VPS8: variants seen among roughly 807,000 people sequenced by gnomAD.
VPS8 encodes vacuolar protein sorting-associated protein 8 homolog.
VPS8 carries 129 observed loss-of-function variants against 216.4 expected under a neutral mutation model. The ratio of observed to expected loss-of-function variants is 0.60; its 90% CI spans 0.52 to 0.69. VPS8 has a LOEUF of 0.69. Ranked by LOEUF, VPS8 falls within the 30% of genes least tolerant of loss-of-function variation. The pLI is 0.00. For synonymous variants in VPS8, 571 were observed against 565.4 expected (o/e 1.01, Z -0.14); for missense variants, 1,531 against 1,683.5 (o/e 0.91, Z 1.59).
intron 8 of VPS8, among the ~76,000 whole-genome samples, chr3:184,844,266 C>A (rs1220183342): frequency 6.6e-6 from 1 of 151,720 alleles, no homozygotes; most frequent in East Asian, 1.9e-4. Context: ...ACTAAAAATA[C>A]AAAAATTAGC....
chr3:184,930,526 G>T lies in VPS8; in HGVS notation c.2856G>T (p.Glu952Asp), dbSNP rs755481895. The part of the protein sequence containing the change: ...NILSIPGHSA[E>D]EKQSVWQKAM... ...TATCCATTCCCGGACACAGTGCAGA[G>T]GAGAAGCAGTCTGTATGGCAGAAAG... Residue 952 changes from glutamate (E) to aspartate (D), a missense_variant, in exon 34 of 48, where the codon GAG becomes GAT. By Grantham distance (45) the Glu-to-Asp change is conservative. Around this residue, in one of 3 missense-constraint regions of VPS8, gnomAD observed 1,318 missense variants for 1,468.4 expected, o/e 0.90. Transcript: ENST00000625842. The T allele has an allele frequency of 5.0e-6, 8 of 1,613,470 alleles. No individual in the cohort carries two copies. The highest frequency in any genetic ancestry group is 6.8e-6 in the Non-Finnish European group (8 of 1,179,580).
chr3:185,052,158 GC>G lies in VPS8; in HGVS notation c.*136del. ...AAGAGGTTCCAAATTGGGCTTCTGT[GC>G]CCAGAGCGTCCACAGCACCATTCCC... On this transcript the variant is annotated 3_prime_UTR_variant, in exon 48 of 48. Coordinates refer to ENST00000625842, the MANE Select transcript of VPS8 (RefSeq NM_001009921.3). 3.1e-6 allele frequency: 3 copies of G among 981,216 alleles called. No homozygotes were observed. Among genetic ancestry groups the G allele is most frequent in the Non-Finnish European group, 4.3e-6 (3 of 692,554 alleles). 60.8% of individuals were successfully genotyped at this position (981,216 alleles called of 1,614,324 possible).
intron 46 of VPS8, among the ~76,000 whole-genome samples, chr3:185,042,285 G>A (rs1166166977): frequency 2.0e-5 from 3 of 152,146 alleles, no homozygotes; most frequent in African/African-American, 4.8e-5. Context: ...AATCAGCCAC[G>A]TATTTTTGAG....
chr3:184,881,622 A>G (rs893084477), intron 21 of VPS8, among the ~76,000 whole-genome samples: 1 of 151,976 alleles, frequency 6.6e-6, no homozygotes. Flanking sequence ...AACTATTCCA[A>G]TTTCTTTGAC....
At chr3:184,920,403 C>G (rs1338490899) in intron 29 of VPS8, among the ~76,000 whole-genome samples, 3 of 152,102 alleles carry the variant, frequency 2.0e-5, no homozygotes, top group Admixed American at 6.5e-5. Flanking sequence ...TGGCTTTAGA[C>G]TGGGGACCGG....
intron 28 of VPS8, among the ~76,000 whole-genome samples, chr3:184,919,738 C>T (rs1221022748): frequency 6.6e-6 from 1 of 152,062 alleles, no homozygotes; most frequent in East Asian, 1.9e-4. Context: ...TAAAATGTGT[C>T]TTAGTTATTT....
chr3:184,979,480 C>T (rs4686929), intron 40 of VPS8, among the ~76,000 whole-genome samples: 137,288 of 152,246 alleles, frequency 0.9, 62,903 homozygotes, highest in Non-Finnish European at 0.98. Flanking sequence ...TATCTGGTGC[C>T]CCATTGTTGG....
chr3:184,940,270 TTA>T lies in VPS8; in HGVS notation c.3035+45_3035+46del, dbSNP rs5855048. The T allele has an allele frequency of 2.0e-3, 1,168 of 577,742 alleles. 1 individual carries two copies. The highest frequency in any genetic ancestry group is 3.1e-3 in the African/African-American group (161 of 52,544). The allele number at this position is 577,742 out of a possible 1,614,324, so 35.8% of individuals were successfully genotyped here. On this transcript the variant is annotated intron_variant, in intron 36 of 47. Coordinates refer to ENST00000625842, the MANE Select transcript of VPS8 (RefSeq NM_001009921.3). ...TATGTTGACAAACTTTAGTCTTTCA[TTA>T]TATATATATATATATATGAGAAATA...
rs183767203 is a variant in VPS8 at position 185,034,278 on chromosome 3, C to T, written c.4056+9889C>T. Among the ~76,000 whole-genome samples, 315 of 152,222 alleles carry T rather than the reference C, an allele frequency of 2.1e-3. 1 individual carries two copies. Among genetic ancestry groups the T allele is most frequent in the Admixed American group, 5.5e-3 (84 of 15,288 alleles). On this transcript the variant is annotated intron_variant, in intron 46 of 47. Transcript: ENST00000625842. ...ACCAGATTTTCTTTATACAGTCTACCATTGATGGACATTTGGGTTGATTAC... is the reference window on the plus strand; with the variant it reads ...ACCAGATTTTCTTTATACAGTCTACTATTGATGGACATTTGGGTTGATTAC...
chr3:184,848,407 C>T (rs868697238), intron 8 of VPS8, among the ~76,000 whole-genome samples: 14 of 151,998 alleles, frequency 9.2e-5, no homozygotes, highest in African/African-American at 3.1e-4. Context: ...GATGGTATTC[C>T]CGATAACTTT....
At chr3:185,026,965 T>C (rs1033117802) in intron 46 of VPS8, among the ~76,000 whole-genome samples, 4 of 152,022 alleles carry the variant, frequency 2.6e-5, no homozygotes, top group Non-Finnish European at 5.9e-5. Context: ...CAACTCAGCC[T>C]CCCAAAGTGC....
rs370296081 is a variant in VPS8, at chr3:185,031,198, A to G, written c.4056+6809A>G. Reference sequence around the variant, plus strand: ...AATGGCTGGTTGATAGTTTCACAAAAGTCAAGGGAAATGAAGAAAGCACTG... The same window carrying G: ...AATGGCTGGTTGATAGTTTCACAAAGGTCAAGGGAAATGAAGAAAGCACTG... On this transcript the variant is annotated intron_variant, in intron 46 of 47. Transcript: ENST00000625842. Among the ~76,000 whole-genome samples the G allele has an allele frequency of 6.8e-4, 104 of 151,892 alleles. 1 individual carries two copies. The highest frequency in any genetic ancestry group is 6.8e-3 in the Middle Eastern group (2 of 294).
chr3:184,850,167 A>G (rs1337610952), intron 10 of VPS8, 145 bp downstream of exon 10: 11 of 648,418 alleles, frequency 1.7e-5, no homozygotes, highest in Non-Finnish European at 2.8e-5. Context: ...AGAATCCTCA[A>G]CATTGAGCTG....
intron 30 of VPS8, among the ~76,000 whole-genome samples, chr3:184,926,211 TA>T (rs1337585700): frequency 1.3e-5 from 2 of 151,054 alleles, no homozygotes; most frequent in Non-Finnish European, 3.0e-5. Context: ...CCGTCTCTAC[TA>T]AAAAAATACA....
chr3:185,014,054 G>C (rs1755426413), intron 45 of VPS8, among the ~76,000 whole-genome samples: 1 of 152,176 alleles, frequency 6.6e-6, no homozygotes, highest in African/African-American at 2.4e-5. Flanking sequence ...CAGAAAGCAT[G>C]TGTAACTGTG....
intron 29 of VPS8, among the ~76,000 whole-genome samples, chr3:184,921,938 G>C (rs547962501): frequency 6.6e-6 from 1 of 152,170 alleles, no homozygotes; most frequent in Admixed American, 6.5e-5. Flanking sequence ...TGCCATACCC[G>C]TCTAAACTGT....
intron 40 of VPS8, among the ~76,000 whole-genome samples, chr3:184,975,741 T>C (rs1415690589): frequency 1.3e-5 from 2 of 152,314 alleles, no homozygotes; most frequent in East Asian, 3.9e-4. Flanking sequence ...GCCTAATTTA[T>C]TGAGATTTGT....
chr3:184,826,152 T>C lies in VPS8; in HGVS notation c.154-11T>C. 1 of 1,597,140 alleles carries C rather than the reference T, an allele frequency of 6.3e-7. No homozygotes were observed. Among genetic ancestry groups the C allele is most frequent in the Non-Finnish European group, 8.5e-7 (1 of 1,171,098 alleles). On this transcript the variant is annotated splice_polypyrimidine_tract_variant and intron_variant, in intron 2 of 47. Coordinates refer to ENST00000625842, the MANE Select transcript of VPS8 (RefSeq NM_001009921.3). Reference sequence around the variant, plus strand: ...ATCATTTTGTGAGCACTATTTTTTTTCTTTATTTAGATTGATGACAAGGAG... The same window carrying C: ...ATCATTTTGTGAGCACTATTTTTTTCCTTTATTTAGATTGATGACAAGGAG...
intron 42 of VPS8, among the ~76,000 whole-genome samples, chr3:184,990,409 A>G (rs868531834): frequency 6.6e-6 from 1 of 152,204 alleles, no homozygotes; most frequent in South Asian, 2.1e-4. Context: ...TATGTTACCT[A>G]CAACACCCAG....
Sources: gnomAD v4.1 joint callset for allele counts (sites outside exome capture counted in the v4.1 genomes callset) on GRCh38, gnomAD v4.1.1 for gene constraint, gnomAD v4.1.1 regional missense constraint, MANE v1.5 for transcripts, NCBI Gene and HGNC (gene_info 2026-07-23, HGNC 2026-07-21) for gene names.